The following NPHP1 variants were observed in gnomAD, a reference collection of about 807,000 sequenced individuals.
NPHP1 encodes the protein nephrocystin-1.
NPHP1 carries 70 observed loss-of-function variants against 90.4 expected under a neutral mutation model. The ratio of observed to expected loss-of-function variants is 0.77; its 90% CI spans 0.64 to 0.95. NPHP1 has a LOEUF of 0.95. NPHP1 is among the 40% of genes least tolerant of loss of function. The probability of loss-of-function intolerance (pLI) is 0.00; values close to 1 mark genes in which losing one functional copy is unlikely to be tolerated. For missense variants in NPHP1, 764 were observed against 795.9 expected, an observed-to-expected ratio of 0.96 and a Z score of 0.48; for synonymous variants, 256 against 271.7, an observed-to-expected ratio of 0.94 and a Z score of 0.57.
intron 3 of NPHP1, among the ~76,000 whole-genome samples, 197 bp downstream of exon 3, chr2:110,179,427 G>A (rs916709711): frequency 1.2e-4 from 18 of 152,198 alleles, no homozygotes; most frequent in African/African-American, 4.1e-4. Context: ...AACATTTTTC[G>A]GTAGTTGGAG....
chr2:110,152,952 T>C (rs748257122), intron 11 of NPHP1, among the ~76,000 whole-genome samples: 1 of 151,738 alleles, frequency 6.6e-6, no homozygotes, highest in Non-Finnish European at 1.5e-5. Flanking sequence ...CATAAACCTA[T>C]AGATTGAAGA....
chr2:110,127,755 T>C (rs1301393831), intron 18 of NPHP1: 3 of 152,112 alleles, frequency 2.0e-5, no homozygotes, highest in African/African-American at 2.4e-5. Context: ...CTCCAAGCTG[T>C]CTGCTCATCA....
chr2:110,200,745 A>T (rs1685523239), intron 2 of NPHP1, among the ~76,000 whole-genome samples: 1 of 152,122 alleles, frequency 6.6e-6, no homozygotes, highest in South Asian at 2.1e-4. Context: ...TAAATCCCTT[A>T]ATCAATCCTA....
At chr2:110,184,337 T>C (rs1684130817) in intron 2 of NPHP1, 2 of 609,364 alleles carry the variant, frequency 3.3e-6, no homozygotes, top group Non-Finnish European at 6.3e-6. Context: ...AATATGTCTA[T>C]TCTAAGGACC....
At chr2:110,182,261 A>G (rs1683958855) in intron 2 of NPHP1, among the ~76,000 whole-genome samples, 1 of 152,088 alleles carries the variant, frequency 6.6e-6, no homozygotes, top group African/African-American at 2.4e-5. Context: ...ACAAGCCAAC[A>G]TTCAAATTCA....
intron 16 of NPHP1, among the ~76,000 whole-genome samples, chr2:110,140,968 G>A (rs1456376283): frequency 1.3e-5 from 2 of 152,142 alleles, no homozygotes; most frequent in Admixed American, 1.3e-4. Context: ...CCATTCACAG[G>A]AGCATGCCAA....
chr2:110,134,381 A>T (rs558131948), intron 16 of NPHP1, among the ~76,000 whole-genome samples: 1 of 152,118 alleles, frequency 6.6e-6, no homozygotes, highest in South Asian at 2.1e-4. Flanking sequence ...CCAGCATCAG[A>T]TGGCTTCACT....
At chr2:110,140,562 C>T (rs1176628436) in intron 16 of NPHP1, among the ~76,000 whole-genome samples, 1 of 152,088 alleles carries the variant, frequency 6.6e-6, no homozygotes, top group South Asian at 2.1e-4. Context: ...CAAAGAAACA[C>T]TATTAAGAGC....
chr2:110,124,524 C>A, intron 19 of NPHP1: 1 of 229,030 alleles, frequency 4.4e-6, no homozygotes, highest in Non-Finnish European at 8.8e-6. Flanking sequence ...GGCTTATTTC[C>A]AGCAATGCCT....
intron 2 of NPHP1, among the ~76,000 whole-genome samples, chr2:110,187,025 G>A (rs912140778): frequency 5.3e-5 from 8 of 152,092 alleles, no homozygotes; most frequent in African/African-American, 9.7e-5. Flanking sequence ...CTAAAGCAGT[G>A]TTCAGAGGAA....
At chr2:110,160,054 G>A in intron 11 of NPHP1, 73 bp downstream of exon 11, 1 of 1,507,576 alleles carries the variant, frequency 6.6e-7, no homozygotes, top group Non-Finnish European at 9.2e-7. Flanking sequence ...GGGAGGAGTT[G>A]AATGGAAAAG....
chr2:110,193,173 A>G (rs1231560906), intron 2 of NPHP1, among the ~76,000 whole-genome samples: 2 of 152,190 alleles, frequency 1.3e-5, no homozygotes, highest in Non-Finnish European at 2.9e-5. Context: ...CCTTAAATGT[A>G]AATGGGCTAA....
chr2:110,167,450 C>A (rs1204891338), intron 6 of NPHP1, among the ~76,000 whole-genome samples: 1 of 151,984 alleles, frequency 6.6e-6, no homozygotes, highest in African/African-American at 2.4e-5. Context: ...TCAGAAAAAC[C>A]CCTAAATGAT....
At chr2:110,127,194 C>A (rs1679430322) in intron 18 of NPHP1, 1 of 152,184 alleles carries the variant, frequency 6.6e-6, no homozygotes, top group East Asian at 1.9e-4. Flanking sequence ...GCAACAGAGG[C>A]AGCTACTTGT....
chr2:110,196,481 C>T (rs1014769524), intron 2 of NPHP1, among the ~76,000 whole-genome samples: 2 of 152,014 alleles, frequency 1.3e-5, no homozygotes, highest in African/African-American at 2.4e-5. Flanking sequence ...GTTAGAATGG[C>T]GATCATTAAA....
intron 11 of NPHP1, among the ~76,000 whole-genome samples, chr2:110,159,819 T>C (rs545819245): frequency 9.9e-5 from 15 of 152,174 alleles, no homozygotes; most frequent in Admixed American, 7.2e-4. Flanking sequence ...TTTCCCACTT[T>C]CTACTTTCTT....
chr2:110,161,587 T>C lies in NPHP1; in HGVS notation c.954+16A>G, dbSNP rs1574121142. Reference sequence around the variant, plus strand: ...TCTGGAAGAGTTACACTTTTACTGATAGTAACTATACTTACAGTGCCTTCT... The same window carrying C: ...TCTGGAAGAGTTACACTTTTACTGACAGTAACTATACTTACAGTGCCTTCT... On this transcript the variant is annotated intron_variant, in intron 10 of 19. Coordinates refer to ENST00000445609, the MANE Select transcript of NPHP1 (RefSeq NM_001128178.3). 2 of 1,499,048 alleles carry C rather than the reference T, an allele frequency of 1.3e-6. No individual in the cohort carries two copies. The highest frequency in any genetic ancestry group is 4.5e-5 in the East Asian group (2 of 44,112). The allele number at this position is 1,499,048 out of a possible 1,614,324, so 92.9% of individuals were successfully genotyped here. A position where few individuals can be genotyped will look rare whatever the true frequency, so the allele number is the denominator to read the frequency against.
chr2:110,167,877 T>C (rs1373364869), intron 6 of NPHP1, among the ~76,000 whole-genome samples: 1 of 152,084 alleles, frequency 6.6e-6, no homozygotes, highest in Non-Finnish European at 1.5e-5. Flanking sequence ...TAACACATAT[T>C]TGGTGTCAGA....
At chr2:110,135,861 G>A (rs1680147898) in intron 16 of NPHP1, among the ~76,000 whole-genome samples, 1 of 152,082 alleles carries the variant, frequency 6.6e-6, no homozygotes, top group Admixed American at 6.6e-5. Flanking sequence ...TAATATTCAG[G>A]CTTCCAGCCT....
Sources: gnomAD v4.1 joint callset for allele counts (sites outside exome capture counted in the v4.1 genomes callset) on GRCh38, gnomAD v4.1.1 for gene constraint, MANE v1.5 for transcripts, NCBI Gene and HGNC (gene_info 2026-07-23, HGNC 2026-07-21) for gene names.